Variants in TTC28 observed in about 807,000 individuals in gnomAD.
TTC28 encodes tetratricopeptide repeat domain 28.
Under a neutral mutation model 198.0 loss-of-function variants are expected in TTC28, and 61 were observed. That is an observed-to-expected ratio of 0.31 (90% confidence interval 0.25 to 0.38). The LOEUF (loss-of-function observed/expected upper bound fraction) is 0.38. Ranked by LOEUF, TTC28 falls within the 10% of genes least tolerant of loss-of-function variation. The pLI, the probability that TTC28 is intolerant of heterozygous loss-of-function variation, is 1.00. For missense variants in TTC28, 2,678 were observed against 3,164.0 expected, an observed-to-expected ratio of 0.85 and a Z score of 3.69; for synonymous variants, 1,171 against 1,297.8, an observed-to-expected ratio of 0.90 and a Z score of 2.10.
At chr22:28,087,503 G>C (rs964291460) in intron 12 of TTC28, among the ~76,000 whole-genome samples, 1 of 152,082 alleles carries the variant, frequency 6.6e-6, no homozygotes, top group African/African-American at 2.4e-5. Context: ...GTATTGATGG[G>C]ACGTATCTCA....
intron 12 of TTC28, among the ~76,000 whole-genome samples, chr22:28,084,002 A>G (rs918526551): frequency 6.6e-6 from 1 of 152,254 alleles, no homozygotes; most frequent in African/African-American, 2.4e-5. Context: ...GTAGGTAAAC[A>G]AAGTGGCCAG....
At chr22:28,674,205 T>G (rs1174780379) in intron 1 of TTC28, among the ~76,000 whole-genome samples, 1 of 151,588 alleles carries the variant, frequency 6.6e-6, no homozygotes. Context: ...TCTTGGGTCG[T>G]AGAAAGGTGA....
At chr22:28,065,173 TA>T (rs568353935) in intron 12 of TTC28, among the ~76,000 whole-genome samples, 241 of 152,240 alleles carry the variant, frequency 1.6e-3, no homozygotes, top group African/African-American at 5.4e-3. Flanking sequence ...CATGCTAGGG[TA>T]TTTCCTTTCA....
intron 2 of TTC28, among the ~76,000 whole-genome samples, chr22:28,369,490 A>G (rs2046297811): frequency 6.6e-6 from 1 of 152,246 alleles, no homozygotes; most frequent in African/African-American, 2.4e-5. Context: ...GTAACAGGTC[A>G]TTCAAAATAA....
In TTC28 at chr22:28,107,206, T is replaced by C. The variant is rs201380132; in HGVS notation, c.2639A>G (p.Tyr880Cys). ...NESVLDRGRA[Y>C]GNLGDCYEAL... The stretch of plus-strand genomic sequence containing the variant: ...TTCGTAGCAATCCCCCAGGTTGCCA[T>C]AGGCCCGGCCCCTGTCGAGCACAGA... Residue 880 changes from tyrosine to cysteine, a missense_variant, in exon 7 of 23, where the codon TAT (tyrosine) becomes TGT (cysteine). By Grantham distance (194) the Tyr-to-Cys change is radical. This residue lies in a region of TTC28 where 775 missense variants were observed against 845.9 expected (regional missense o/e 0.92). Transcript: ENST00000397906. 6.7e-4 allele frequency: 1,046 copies of C among 1,551,710 alleles called. 1 individual carries two copies. Among genetic ancestry groups the C allele is most frequent in the Non-Finnish European group, 8.4e-4 (962 of 1,146,990 alleles).
At chr22:28,085,578 C>T (rs1447736115) in intron 12 of TTC28, among the ~76,000 whole-genome samples, 1 of 152,102 alleles carries the variant, frequency 6.6e-6, no homozygotes, top group Non-Finnish European at 1.5e-5. Context: ...TAAAGACCAT[C>T]GAGGCTAGGA....
intron 5 of TTC28, among the ~76,000 whole-genome samples, chr22:28,217,364 T>A (rs1241149370): frequency 6.6e-6 from 1 of 152,238 alleles, no homozygotes; most frequent in African/African-American, 2.4e-5. Context: ...GAATATCCAA[T>A]GAGTTTTGCC....
chr22:27,982,543 A>C lies in TTC28; in HGVS notation c.7124T>G (p.Met2375Arg). 1 of 1,551,646 alleles carries C rather than the reference A, an allele frequency of 6.4e-7. No individual in the cohort carries two copies. Among genetic ancestry groups the C allele is most frequent in the Non-Finnish European group, 8.7e-7 (1 of 1,146,988 alleles). Residue 2375 changes from methionine to arginine, a missense_variant, in exon 23 of 23, where the codon ATG becomes AGG. By Grantham distance (91) the Met-to-Arg change is moderately conservative (BLOSUM62 -1). This residue lies in a region of TTC28 where 622 missense variants were observed against 656.0 expected (regional missense o/e 0.95). Coordinates refer to ENST00000397906, the MANE Select transcript of TTC28 (RefSeq NM_001145418.2). This position sits in a 1 kb window ranked among gnomAD's most constrained non-coding sequence, Gnocchi z 5.2. ...GCCAGGAGCCCCCCGGAAGATCTTC[A>C]TTGGCCCTGTGGAATGCTGGGGTGT... ...QSTPQHSTGP[M>R]KIFRGAPGTM...
At chr22:28,495,839 A>G (rs978107302) in intron 2 of TTC28, among the ~76,000 whole-genome samples, 18 of 152,236 alleles carry the variant, frequency 1.2e-4, no homozygotes, top group African/African-American at 4.3e-4. Flanking sequence ...GACTTAATTC[A>G]TAATATACTC....
intron 5 of TTC28, among the ~76,000 whole-genome samples, chr22:28,193,981 T>A (rs929060855): frequency 1.3e-5 from 2 of 152,136 alleles, no homozygotes; most frequent in Non-Finnish European, 2.9e-5. Flanking sequence ...CAACAGAATA[T>A]ACATTCTTCT....
chr22:28,350,748 A>G (rs1021020360), intron 2 of TTC28, among the ~76,000 whole-genome samples: 1 of 152,228 alleles, frequency 6.6e-6, no homozygotes, highest in Non-Finnish European at 1.5e-5. Flanking sequence ...AAAAGTAGAA[A>G]AACAGAAAAT....
intron 2 of TTC28, among the ~76,000 whole-genome samples, chr22:28,317,751 A>G (rs1281045909): frequency 1.3e-5 from 2 of 152,194 alleles, no homozygotes; most frequent in African/African-American, 4.8e-5. Context: ...GTTGCCATAC[A>G]TATCCTGTAA....
intron 8 of TTC28, among the ~76,000 whole-genome samples, chr22:28,101,955 A>G (rs1434010588): frequency 3.9e-5 from 6 of 152,322 alleles, no homozygotes; most frequent in Middle Eastern, 3.4e-3. Flanking sequence ...GGTGATGGCT[A>G]TCAGCAGGAG....
chr22:28,016,848 C>T (rs965283818), intron 13 of TTC28, among the ~76,000 whole-genome samples: 4 of 152,242 alleles, frequency 2.6e-5, no homozygotes, highest in Non-Finnish European at 5.9e-5. Context: ...GAACCAAACA[C>T]CCGGCCCATC....
chr22:28,552,734 T>C (rs1028035309), intron 2 of TTC28, among the ~76,000 whole-genome samples: 2 of 151,398 alleles, frequency 1.3e-5, no homozygotes, highest in East Asian at 2.0e-4. Context: ...CAATTCAAGA[T>C]GGATCAAAGC....
chr22:28,604,755 A>G (rs1176474690), intron 2 of TTC28, among the ~76,000 whole-genome samples: 6 of 152,202 alleles, frequency 3.9e-5, no homozygotes, highest in Non-Finnish European at 7.3e-5. Context: ...AAAAAAAAGA[A>G]AGAAAGAAAA....
At chr22:28,359,591 T>A (rs1317454895) in intron 2 of TTC28, among the ~76,000 whole-genome samples, 1 of 152,210 alleles carries the variant, frequency 6.6e-6, no homozygotes, top group Non-Finnish European at 1.5e-5. Context: ...CTTTCTGGAT[T>A]CAGTGGCATT....
rs139710533 is a variant in TTC28, at chr22:28,617,938, G to A, written c.381+11614C>T. On this transcript the variant is annotated intron_variant, in intron 2 of 22. Coordinates refer to ENST00000397906, the MANE Select transcript of TTC28 (RefSeq NM_001145418.2). ...AAGACCAGCAGAGATCAGTTGAGTC[G>A]GCCCAGTCCAGAAGAGTCACTCAGC... Among the ~76,000 whole-genome samples, 519 of 152,270 alleles carry A rather than the reference G, an allele frequency of 3.4e-3. 5 individuals carry two copies. Among genetic ancestry groups the A allele is most frequent in the African/African-American group, 0.011 (476 of 41,540 alleles).
chr22:28,044,261 A>C (rs1939773603), intron 12 of TTC28, among the ~76,000 whole-genome samples: 1 of 152,186 alleles, frequency 6.6e-6, no homozygotes, highest in South Asian at 2.1e-4. Flanking sequence ...TTATACTATT[A>C]TCTAACAGCT....
Sources: gnomAD v4.1 joint callset for allele counts (sites outside exome capture counted in the v4.1 genomes callset) on GRCh38, gnomAD v4.1.1 for gene constraint, gnomAD v4.1.1 regional missense constraint, Gnocchi (gnomAD v3.1) non-coding constraint, MANE v1.5 for transcripts, NCBI Gene and HGNC (gene_info 2026-07-23, HGNC 2026-07-21) for gene names.